STAU2: variants seen among roughly 807,000 people sequenced by gnomAD.
STAU2 encodes double-stranded RNA-binding protein Staufen homolog 2.
Under a neutral mutation model 65.9 loss-of-function variants are expected in STAU2, and 20 were observed. The observed-to-expected ratio is 0.30, with a 90% confidence interval of 0.21 to 0.44. The LOEUF (loss-of-function observed/expected upper bound fraction) is 0.44, where lower values mean the gene tolerates loss of function less well. Ranked by LOEUF, STAU2 falls within the 20% of genes least tolerant of loss-of-function variation. STAU2 has a pLI of 1.00. For missense variants in STAU2, 558 were observed against 683.9 expected, an observed-to-expected ratio of 0.82 and a Z score of 2.05; for synonymous variants, 232 against 233.9, an observed-to-expected ratio of 0.99 and a Z score of 0.07.
At position 73,628,615 on chromosome 8, in the gene STAU2, A is replaced by C. The variant is rs533665621; in HGVS notation, c.411-11164T>G. Among the ~76,000 whole-genome samples, 34 of 152,296 alleles carry C rather than the reference A, an allele frequency of 2.2e-4. No individual in the cohort carries two copies. The South Asian group carries it at 7.1e-3, about 32-fold the overall frequency. ...TTCCCACCAACAAAAGGATTCACGA[A>C]ACGAGCTCTAGAAAATACTTATAAA... On this transcript the variant is annotated intron_variant, in intron 6 of 14. Transcript: ENST00000524300.
chr8:73,607,867 G>A (rs1812143573), intron 9 of STAU2, among the ~76,000 whole-genome samples: 1 of 151,934 alleles, frequency 6.6e-6, no homozygotes, highest in Non-Finnish European at 1.5e-5. Context: ...TTCCACCTAT[G>A]AAAATTTATT....
chr8:73,516,708 T>G (rs1377641728), intron 13 of STAU2, among the ~76,000 whole-genome samples: 1 of 152,162 alleles, frequency 6.6e-6, no homozygotes, highest in Non-Finnish European at 1.5e-5. Context: ...GCTTTTCAGT[T>G]TTAAATAGTG....
chr8:73,682,984 A>G (rs1586262001), intron 5 of STAU2, among the ~76,000 whole-genome samples: 1 of 152,070 alleles, frequency 6.6e-6, no homozygotes, highest in Non-Finnish European at 1.5e-5. Context: ...CAACAACAAT[A>G]AAAAAAGCCC....
chr8:73,743,774 ATTTTT>A (rs202012327), intron 1 of STAU2, among the ~76,000 whole-genome samples: 1 of 123,552 alleles, frequency 8.1e-6, no homozygotes, highest in Non-Finnish European at 1.7e-5. Flanking sequence ...ATGCCCGGAC[ATTTTT>A]TTTTTTTTTT....
intron 12 of STAU2, among the ~76,000 whole-genome samples, chr8:73,554,561 T>C (rs150929290): frequency 4.1e-4 from 62 of 152,346 alleles, no homozygotes; most frequent in Admixed American, 6.5e-4. Flanking sequence ...GGAGGGATTA[T>C]GGCATGAGGG....
At chr8:73,690,839 T>G (rs1819280056) in intron 4 of STAU2, among the ~76,000 whole-genome samples, 1 of 152,226 alleles carries the variant, frequency 6.6e-6, no homozygotes, top group African/African-American at 2.4e-5. Context: ...TTAAATTTTC[T>G]TTTATTCTAA....
chr8:73,613,870 A>G lies in STAU2; in HGVS notation c.765T>C (p.Asn255=). The G allele has an allele frequency of 6.2e-7, 1 of 1,613,614 alleles. No homozygotes were observed. Among genetic ancestry groups the G allele is most frequent in the Non-Finnish European group, 8.5e-7 (1 of 1,179,872 alleles). The part of the protein sequence containing the change: ...VGEFSAEGEG[N]SKKLSKKRAA... ...CGCGCTTCTTGGAGAGTTTTTTGCT[A>G]TTTCCTTCTCCTTCTGCAGAGAACT... is the stretch of plus-strand genomic sequence containing the variant. Residue 255 remains asparagine, a synonymous_variant, in exon 9 of 15, where the codon AAT becomes AAC. Coordinates refer to ENST00000524300, the MANE Select transcript of STAU2 (RefSeq NM_001164380.2).
intron 6 of STAU2, chr8:73,672,539 A>G (rs1817756817): frequency 6.6e-6 from 1 of 152,226 alleles, no homozygotes; most frequent in Non-Finnish European, 1.5e-5. Context: ...CTGTATGTCT[A>G]TCATACCTTC....
Position 73,450,465 on chromosome 8 carries a change from GAGAGGAAAC to G in STAU2, c.1531-27772_1531-27764del, listed in dbSNP as rs1818743106. The stretch of plus-strand genomic sequence containing the variant: ...CGGATGAGATGAGGTGGAGTCCAAG[GAGAGGAAAC>G]TAAAGACTCATTTTACCCTCTAGTA... On this transcript the variant is annotated intron_variant, in intron 13 of 14. Transcript: ENST00000524300. 6.6e-5 allele frequency among the ~76,000 whole-genome samples: 10 copies of G among 152,304 alleles called. No individual in the cohort carries two copies. In the South Asian group the frequency reaches 1.7e-3, roughly 25 times the overall value.
intron 6 of STAU2, among the ~76,000 whole-genome samples, chr8:73,643,239 T>C (rs554428621): frequency 5.2e-4 from 79 of 152,264 alleles, no homozygotes; most frequent in Non-Finnish European, 9.4e-4. Context: ...CAATTAAACA[T>C]CCTCCACACT....
At chr8:73,720,253 A>G (rs1157181634) in intron 3 of STAU2, among the ~76,000 whole-genome samples, 1 of 130,896 alleles carries the variant, frequency 7.6e-6, no homozygotes, top group East Asian at 2.6e-4. Flanking sequence ...CCTGGGCGAC[A>G]GAGTGAGACC....
chr8:73,603,116 A>G (rs191007475), intron 10 of STAU2, among the ~76,000 whole-genome samples: 40 of 152,312 alleles, frequency 2.6e-4, no homozygotes, highest in African/African-American at 9.1e-4. Flanking sequence ...CTGGAGTTTG[A>G]GCTGGCAAAT....
chr8:73,553,051 G>A (rs1318776172), intron 12 of STAU2, among the ~76,000 whole-genome samples: 3 of 152,256 alleles, frequency 2.0e-5, no homozygotes, highest in Non-Finnish European at 4.4e-5. Flanking sequence ...TTCAAGCCAG[G>A]CCATGGACAG....
chr8:73,724,653 T>TTGTGTG (rs369351905), intron 3 of STAU2, among the ~76,000 whole-genome samples: 16,231 of 99,104 alleles, frequency 0.16, 1,196 homozygotes, highest in East Asian at 0.29. Context: ...GTTCAGTAGG[T>TTGTGTG]TGTGTGTGTG....
Position 73,577,309 on chromosome 8 carries a change from T to G in STAU2, c.1222+5461A>C, listed in dbSNP as rs931097082. Among the ~76,000 whole-genome samples the G allele has an allele frequency of 4.3e-4, 65 of 151,610 alleles. 1 individual carries two copies. The highest frequency in any genetic ancestry group is 3.4e-3 in the Middle Eastern group (1 of 292). On this transcript the variant is annotated intron_variant, in intron 12 of 14. Transcript: ENST00000524300. The stretch of plus-strand genomic sequence containing the variant: ...CGGGCGTGGTGGCAGGCGCCTATAG[T>G]CCCAGCTACTGGGAAGGCTGAGGCA...
intron 11 of STAU2, among the ~76,000 whole-genome samples, chr8:73,591,484 C>T (rs1810775202): frequency 6.6e-6 from 1 of 151,850 alleles, no homozygotes; most frequent in African/African-American, 2.4e-5. Context: ...CTAAAAGAAA[C>T]CAATTTAAAG....
At chr8:73,474,931 C>T (rs1229181189) in intron 13 of STAU2, among the ~76,000 whole-genome samples, 2 of 152,168 alleles carry the variant, frequency 1.3e-5, no homozygotes, top group African/African-American at 4.8e-5. Flanking sequence ...GAATATTATA[C>T]AGGCATGAGA....
chr8:73,574,484 T>G (rs1480839122), intron 12 of STAU2, among the ~76,000 whole-genome samples: 1 of 152,112 alleles, frequency 6.6e-6, no homozygotes, highest in Non-Finnish European at 1.5e-5. Flanking sequence ...CTATTCACAA[T>G]AGCAAAGACT....
chr8:73,740,258 T>C (rs1806750103), intron 1 of STAU2, among the ~76,000 whole-genome samples: 1 of 152,256 alleles, frequency 6.6e-6, no homozygotes, highest in South Asian at 2.1e-4. Flanking sequence ...TAAGATAATG[T>C]TTGTTGTCTT....
Sources: allele counts gnomAD v4.1 joint callset (sites outside exome capture counted in the v4.1 genomes callset), GRCh38; gene constraint gnomAD v4.1.1; transcripts MANE v1.5; gene names NCBI Gene and HGNC (gene_info 2026-07-23, HGNC 2026-07-21).